CDIN1: variants seen among roughly 807,000 people sequenced by gnomAD.
CDIN1 encodes the protein CDAN1 interacting nuclease 1, also known as CDAN1-interacting nuclease 1.
Under a neutral mutation model 45.3 loss-of-function variants are expected in CDIN1, and 33 were observed. The observed-to-expected ratio is 0.73, with a 90% confidence interval of 0.55 to 0.97. The LOEUF (loss-of-function observed/expected upper bound fraction) is 0.97. CDIN1 is among the 50% of genes least tolerant of loss of function. The probability of loss-of-function intolerance (pLI) is 0.00; values close to 1 mark genes in which losing one functional copy is unlikely to be tolerated. For synonymous variants in CDIN1, 118 were observed against 124.4 expected (o/e 0.95, Z 0.34); for missense variants, 303 against 339.4 (o/e 0.89, Z 0.84).
At chr15:36,770,472 A>G (rs1343076380) in intron 10 of CDIN1, among the ~76,000 whole-genome samples, 1 of 151,724 alleles carries the variant, frequency 6.6e-6, no homozygotes, top group Non-Finnish European at 1.5e-5. Context: ...TATTGGAGAT[A>G]GGGTCTCACT....
chr15:36,796,392 T>G (rs2054798077), intron 10 of CDIN1, among the ~76,000 whole-genome samples: 1 of 152,188 alleles, frequency 6.6e-6, no homozygotes, highest in Non-Finnish European at 1.5e-5. Flanking sequence ...GCAGGGGCAT[T>G]ACATTTACTA....
intron 1 of CDIN1, among the ~76,000 whole-genome samples, chr15:36,591,109 T>C (rs965922227): frequency 6.6e-6 from 1 of 152,234 alleles, no homozygotes; most frequent in Non-Finnish European, 1.5e-5. Context: ...CCTGTGATTC[T>C]GTAGCTGATG....
At chr15:36,635,419 T>C (rs998625033) in intron 1 of CDIN1, among the ~76,000 whole-genome samples, 4 of 152,194 alleles carry the variant, frequency 2.6e-5, no homozygotes, top group African/African-American at 7.2e-5. Flanking sequence ...AAATATGGTA[T>C]TTGCAAGACG....
At position 36,702,263 on chromosome 15, in the gene CDIN1, T is replaced by A; in HGVS notation, c.544+4873T>A. Reference sequence around the variant, plus strand: ...AAATTGAGGGTGGGAGGTGGGGGATTTGGGCTCTGTTCTCCCCTTTCTGAA... The same window carrying A: ...AAATTGAGGGTGGGAGGTGGGGGATATGGGCTCTGTTCTCCCCTTTCTGAA... On this transcript the variant is annotated intron_variant, in intron 8 of 10. Coordinates refer to ENST00000566621, the MANE Select transcript of CDIN1 (RefSeq NM_001321759.2). 6.2e-6 allele frequency: 4 copies of A among 642,944 alleles called. No individual in the cohort carries two copies. In the South Asian group the frequency reaches 7.2e-5, roughly 12 times the overall value. 39.8% of individuals were successfully genotyped at this position (642,944 alleles called of 1,614,324 possible).
intron 10 of CDIN1, among the ~76,000 whole-genome samples, chr15:36,736,876 C>T (rs1455022663): frequency 6.6e-6 from 1 of 152,038 alleles, no homozygotes; most frequent in African/African-American, 2.4e-5. Context: ...TTTAAAAATG[C>T]TTCACACTGG....
intron 10 of CDIN1, among the ~76,000 whole-genome samples, chr15:36,732,411 A>G (rs1365463386): frequency 6.6e-6 from 1 of 152,162 alleles, no homozygotes; most frequent in Non-Finnish European, 1.5e-5. Flanking sequence ...CATTTTTTAG[A>G]TAGTCATTGA....
chr15:36,650,438 AT>A (rs2040527642), intron 3 of CDIN1, among the ~76,000 whole-genome samples: 1 of 148,124 alleles, frequency 6.8e-6, no homozygotes, highest in Admixed American at 6.7e-5. Context: ...TTATTTATTT[AT>A]TTATTTATTT....
At chr15:36,749,677 C>CA (rs1034278952) in intron 10 of CDIN1, among the ~76,000 whole-genome samples, 1 of 152,134 alleles carries the variant, frequency 6.6e-6, no homozygotes, top group Non-Finnish European at 1.5e-5. Context: ...AAAGCAAAAA[C>CA]AAAAAAGTAC....
chr15:36,673,859 A>G (rs1036811468), intron 5 of CDIN1, among the ~76,000 whole-genome samples: 2 of 152,108 alleles, frequency 1.3e-5, no homozygotes, highest in South Asian at 4.1e-4. Context: ...ATGCTTTTGT[A>G]TAGAGTAAGG....
chr15:36,732,551 A>G (rs1209811286), intron 10 of CDIN1, among the ~76,000 whole-genome samples: 1 of 152,130 alleles, frequency 6.6e-6, no homozygotes, highest in Non-Finnish European at 1.5e-5. Context: ...AAAGAGATAC[A>G]TACAAAAATA....
At chr15:36,763,239 G>A (rs2141003488) in intron 10 of CDIN1, among the ~76,000 whole-genome samples, 1 of 152,212 alleles carries the variant, frequency 6.6e-6, no homozygotes, top group Non-Finnish European at 1.5e-5. Context: ...TTCTCTGATG[G>A]CCAGGGATGA....
intron 5 of CDIN1, among the ~76,000 whole-genome samples, chr15:36,665,553 G>A (rs144652234): frequency 6.6e-6 from 1 of 152,172 alleles, no homozygotes; most frequent in Non-Finnish European, 1.5e-5. Flanking sequence ...AGGTTGTTAG[G>A]ATAGAGAAAG....
intron 10 of CDIN1, among the ~76,000 whole-genome samples, chr15:36,771,703 G>A (rs967265102): frequency 6.6e-6 from 1 of 152,168 alleles, no homozygotes; most frequent in African/African-American, 2.4e-5. Flanking sequence ...GCCAAAGCAG[G>A]CAAATCACGA....
intron 1 of CDIN1, among the ~76,000 whole-genome samples, chr15:36,612,900 T>C (rs1471418344): frequency 6.6e-6 from 1 of 152,206 alleles, no homozygotes; most frequent in Non-Finnish European, 1.5e-5. Context: ...ATCTCAGTAT[T>C]TGTCGATATC....
At chr15:36,648,391 T>A (rs1158451414) in intron 3 of CDIN1, among the ~76,000 whole-genome samples, 6 of 151,872 alleles carry the variant, frequency 4.0e-5, no homozygotes, top group Non-Finnish European at 7.4e-5. Flanking sequence ...TTTACTGAAT[T>A]ATTCCTTTGT....
chr15:36,691,988 G>A (rs144588641), intron 6 of CDIN1, 138 bp from the exon 7 acceptor site: 11 of 799,120 alleles, frequency 1.4e-5, no homozygotes, highest in South Asian at 1.3e-4. Flanking sequence ...GATTAAATCC[G>A]AACCGCCTTT....
chr15:36,672,863 A>T (rs1228955510), intron 5 of CDIN1, among the ~76,000 whole-genome samples: 4 of 151,544 alleles, frequency 2.6e-5, no homozygotes, highest in Admixed American at 6.6e-5. Context: ...GAATAATGAG[A>T]TGGGAGCAGT....
In CDIN1 at chr15:36,624,642, C is replaced by T. The variant is rs534844200; in HGVS notation, c.102-19636C>T. ...AAGGAACTGCATATTCAGGAAGGTA[C>T]TTTTATGCAAGTTTTTGCATTTCCT... On this transcript the variant is annotated intron_variant, in intron 1 of 10. Coordinates refer to ENST00000566621, the MANE Select transcript of CDIN1 (RefSeq NM_001321759.2). Among the ~76,000 whole-genome samples the T allele has an allele frequency of 8.5e-5, 13 of 152,172 alleles. No individual in the cohort carries two copies. The South Asian group carries it at 2.5e-3, about 29-fold the overall frequency.
chr15:36,744,681 A>G (rs1052640110), intron 10 of CDIN1, among the ~76,000 whole-genome samples: 4 of 152,208 alleles, frequency 2.6e-5, no homozygotes, highest in African/African-American at 9.6e-5. Context: ...ATAAATCTCT[A>G]TAAATGTTTG....
Sources: gnomAD v4.1 joint callset for allele counts (sites outside exome capture counted in the v4.1 genomes callset) on GRCh38, gnomAD v4.1.1 for gene constraint, MANE v1.5 for transcripts, NCBI Gene and HGNC (gene_info 2026-07-23, HGNC 2026-07-21) for gene names.